The following NRXN1 variants were observed in gnomAD, a reference collection of about 807,000 sequenced individuals.
The protein encoded by NRXN1 is neurexin 1, also known as neurexin-1.
Under a neutral mutation model 150.9 loss-of-function variants are expected in NRXN1, and 39 were observed. The observed-to-expected ratio is 0.26, with a 90% CI of 0.20 to 0.34. NRXN1 has a LOEUF of 0.34. Among genes scored for constraint, NRXN1 ranks in the 10% least tolerant of loss-of-function variants. The pLI, the probability that NRXN1 is intolerant of heterozygous loss-of-function variation, is 1.00. For missense variants in NRXN1, 1,815 were observed against 1,949.9 expected, an observed-to-expected ratio of 0.93 and a Z score of 1.30; for synonymous variants, 924 against 757.0, an observed-to-expected ratio of 1.22 and a Z score of -3.62.
intron 18 of NRXN1, among the ~76,000 whole-genome samples, chr2:50,099,422 T>C (rs992587336): frequency 6.6e-6 from 1 of 152,158 alleles, no homozygotes; most frequent in African/African-American, 2.4e-5. Flanking sequence ...TTAAAGTATA[T>C]GGTTCAGTGG....
At chr2:50,647,222 C>G (rs1684956838) in intron 5 of NRXN1, among the ~76,000 whole-genome samples, 1 of 151,730 alleles carries the variant, frequency 6.6e-6, no homozygotes. Flanking sequence ...AGATAGTAGG[C>G]CCAGGGAAAA....
rs560347982 is a variant in NRXN1, at chr2:50,059,897, T to C, written c.3719-4853A>G. Among the ~76,000 whole-genome samples, 6 of 152,318 alleles carry C rather than the reference T, an allele frequency of 3.9e-5. No homozygotes were observed. The South Asian group carries it at 1.0e-3, about 26-fold the overall frequency. Reference sequence around the variant, plus strand: ...CAGAGGATGTATGAAAACACCTGAATGTCCAGGCAGAGGTGTGCTGCAGGG... The same window carrying C: ...CAGAGGATGTATGAAAACACCTGAACGTCCAGGCAGAGGTGTGCTGCAGGG... On this transcript the variant is annotated intron_variant, in intron 19 of 22. Coordinates refer to ENST00000401669, the MANE Select transcript of NRXN1 (RefSeq NM_001330078.2).
chr2:50,734,748 C>A (rs1421873827), intron 5 of NRXN1, among the ~76,000 whole-genome samples: 1 of 151,756 alleles, frequency 6.6e-6, no homozygotes, highest in Non-Finnish European at 1.5e-5. Flanking sequence ...TACACATAAC[C>A]CCCCCAAAAC....
At chr2:50,369,261 C>T (rs12475464) in intron 17 of NRXN1, among the ~76,000 whole-genome samples, 38,566 of 151,704 alleles carry the variant, frequency 0.25, 5,315 homozygotes, top group East Asian at 0.54. Context: ...CCAAAAAACC[C>T]GAATGAATAC....
chr2:50,753,872 C>T (rs1700882736), intron 5 of NRXN1, among the ~76,000 whole-genome samples: 2 of 146,466 alleles, frequency 1.4e-5, no homozygotes, highest in Admixed American at 7.2e-5. Context: ...AAGCCACAAA[C>T]ATAAATTGGT....
chr2:50,808,445 G>T (rs1460199088), intron 5 of NRXN1, among the ~76,000 whole-genome samples: 1 of 151,836 alleles, frequency 6.6e-6, no homozygotes, highest in African/African-American at 2.4e-5. Context: ...AGGATTAAGA[G>T]ATATAGCTTT....
intron 18 of NRXN1, among the ~76,000 whole-genome samples, chr2:50,155,118 T>C (rs2058935174): frequency 6.6e-6 from 1 of 151,702 alleles, no homozygotes; most frequent in Admixed American, 6.6e-5. Context: ...TAATTTTTAC[T>C]GCCCCAGTAA....
At chr2:50,661,686 G>C (rs767422270) in intron 5 of NRXN1, among the ~76,000 whole-genome samples, 4 of 152,052 alleles carry the variant, frequency 2.6e-5, no homozygotes, top group Non-Finnish European at 4.4e-5. Flanking sequence ...GTTCTATACA[G>C]CTAGGGTTTC....
intron 2 of NRXN1, among the ~76,000 whole-genome samples, chr2:50,964,331 A>G (rs2104721702): frequency 6.6e-6 from 1 of 151,650 alleles, no homozygotes; most frequent in Non-Finnish European, 1.5e-5. Context: ...GGTGACCACT[A>G]AAGCAATAAT....
intron 5 of NRXN1, among the ~76,000 whole-genome samples, chr2:50,802,321 G>A (rs1488552433): frequency 3.9e-5 from 6 of 152,058 alleles, no homozygotes; most frequent in Non-Finnish European, 7.4e-5. Flanking sequence ...GTGAAACCAC[G>A]TCTCAACTAA....
At chr2:50,192,871 G>A (rs1190428020) in intron 18 of NRXN1, among the ~76,000 whole-genome samples, 2 of 152,114 alleles carry the variant, frequency 1.3e-5, no homozygotes, top group African/African-American at 2.4e-5. Flanking sequence ...CGGCAGGCTG[G>A]GATTAGAGGT....
At chr2:50,212,169 G>A (rs192732845) in intron 18 of NRXN1, among the ~76,000 whole-genome samples, 7 of 151,594 alleles carry the variant, frequency 4.6e-5, no homozygotes, top group Admixed American at 2.0e-4. Flanking sequence ...GAAAAACAAA[G>A]TTTGTGAGTC....
At chr2:49,965,064 G>A (rs1187925359) in intron 21 of NRXN1, among the ~76,000 whole-genome samples, 1 of 151,870 alleles carries the variant, frequency 6.6e-6, no homozygotes. Flanking sequence ...ATTTTTGGTA[G>A]AGACAGGGTT....
In NRXN1 at chr2:50,960,727, G is replaced by T. The variant is rs1319413909; in HGVS notation, c.773-34772C>A. On this transcript the variant is annotated intron_variant, in intron 2 of 22. Transcript: ENST00000401669. ...AGTATTATTTACACTCTGCCTCTGG[G>T]CCTATATCAGGGGACTGCAAGGGCT... Among the ~76,000 whole-genome samples the T allele has an allele frequency of 3.3e-5, 5 of 151,832 alleles. 1 individual carries two copies. In the South Asian group the frequency reaches 1.0e-3, roughly 31 times the overall value.
intron 2 of NRXN1, among the ~76,000 whole-genome samples, chr2:50,983,287 T>A (rs1575123814): frequency 6.6e-6 from 1 of 152,232 alleles, no homozygotes; most frequent in Non-Finnish European, 1.5e-5. Context: ...GTATGAGGAA[T>A]CCTTATCACT....
intron 9 of NRXN1, among the ~76,000 whole-genome samples, chr2:50,551,074 A>AGAGGAGGAGGAG (rs1190766975): frequency 9.0e-6 from 1 of 110,688 alleles, no homozygotes. Context: ...AAGAAGAAGA[A>AGAGGAGGAGGAG]GAGGAGGAGG....
intron 17 of NRXN1, among the ~76,000 whole-genome samples, chr2:50,446,546 C>T (rs2086425631): frequency 1.5e-5 from 2 of 130,506 alleles, no homozygotes; most frequent in Non-Finnish European, 3.2e-5. Flanking sequence ...TCCCTCCCTT[C>T]CTTCCCTCCT....
chr2:50,679,562 A>C (rs1010840446), intron 5 of NRXN1, among the ~76,000 whole-genome samples: 3 of 152,176 alleles, frequency 2.0e-5, no homozygotes, highest in Non-Finnish European at 4.4e-5. Flanking sequence ...ATGAGAGATG[A>C]TCTGTGATTA....
Position 50,465,651 on chromosome 2 carries a change from C to T in NRXN1, c.3245-90G>A, listed in dbSNP as rs1172767508. 6 of 1,356,460 alleles carry T rather than the reference C, an allele frequency of 4.4e-6. No individual in the cohort carries two copies. The East Asian group carries it at 1.5e-4, about 35-fold the overall frequency. 84.0% of individuals were successfully genotyped at this position (1,356,460 alleles called of 1,614,324 possible). On this transcript the variant is annotated intron_variant, in intron 16 of 22. Coordinates refer to ENST00000401669, the MANE Select transcript of NRXN1 (RefSeq NM_001330078.2). Reference sequence around the variant, plus strand: ...CTAGATCACATGTAGTAGTTGCCAACACCACAGATGATATGTCCAAACTAG... The same window carrying T: ...CTAGATCACATGTAGTAGTTGCCAATACCACAGATGATATGTCCAAACTAG...
Sources: allele counts gnomAD v4.1 joint callset (sites outside exome capture counted in the v4.1 genomes callset), GRCh38; gene constraint gnomAD v4.1.1; transcripts MANE v1.5; gene names NCBI Gene and HGNC (gene_info 2026-07-23, HGNC 2026-07-21).